Variants in AVL9 observed in about 807,000 individuals in gnomAD.
AVL9 encodes the protein late secretory pathway protein AVL9 homolog.
Under a neutral mutation model 79.2 loss-of-function variants are expected in AVL9, and 49 were observed. That is an observed-to-expected ratio of 0.62 (90% CI 0.49 to 0.79). AVL9 has a LOEUF of 0.79. AVL9 is among the 30% of genes least tolerant of loss of function. AVL9 has a pLI of 0.00. For synonymous variants in AVL9, 299 were observed against 280.6 expected, an observed-to-expected ratio of 1.07 and a Z score of -0.65; for missense variants, 682 against 776.8, an observed-to-expected ratio of 0.88 and a Z score of 1.45.
chr7:32,559,517 C>A (rs990899283), intron 10 of AVL9, 53 bp downstream of exon 10: 70 of 1,492,294 alleles, frequency 4.7e-5, no homozygotes, highest in Non-Finnish European at 5.4e-5. Context: ...AAAATCCTTT[C>A]GGAGTTTAAC....
intron 1 of AVL9, among the ~76,000 whole-genome samples, chr7:32,531,049 G>T (rs919626507): frequency 6.6e-6 from 1 of 152,194 alleles, no homozygotes; most frequent in Admixed American, 6.5e-5. Context: ...CAGAGAACAA[G>T]AGAGGCTCAA....
At chr7:32,580,404 A>G in intron 14 of AVL9, 132 bp downstream of exon 14, 1 of 704,206 alleles carries the variant, frequency 1.4e-6, no homozygotes, top group Non-Finnish European at 2.4e-6. Context: ...TATGTGCATA[A>G]CATTCTTTAG....
intron 1 of AVL9, among the ~76,000 whole-genome samples, chr7:32,525,703 G>T (rs1788373655): frequency 6.6e-6 from 1 of 152,086 alleles, no homozygotes; most frequent in African/African-American, 2.4e-5. Context: ...AATGGAATAG[G>T]TTTATTTTTC....
chr7:32,553,384 A>T (rs1789918797), intron 6 of AVL9, among the ~76,000 whole-genome samples: 1 of 152,204 alleles, frequency 6.6e-6, no homozygotes, highest in South Asian at 2.1e-4. Flanking sequence ...AGTAGCTACT[A>T]GCCACCTATA....
chr7:32,553,847 G>A, intron 7 of AVL9, 80 bp downstream of exon 7: 1 of 979,782 alleles, frequency 1.0e-6, no homozygotes, highest in Non-Finnish European at 1.6e-6. Flanking sequence ...TCATTTAACT[G>A]CCAAATTCAG....
At chr7:32,542,382 A>G (rs1261313724) in intron 1 of AVL9, among the ~76,000 whole-genome samples, 1 of 124,436 alleles carries the variant, frequency 8.0e-6, no homozygotes, top group Non-Finnish European at 1.6e-5. Context: ...TCTAGTAAAA[A>G]TACAAAAAAA....
chr7:32,570,265 C>A, intron 11 of AVL9, 111 bp downstream of exon 11: 2 of 1,364,596 alleles, frequency 1.5e-6, no homozygotes, highest in African/African-American at 1.4e-5. Flanking sequence ...TAACTGCATA[C>A]TGTATGCCAT....
chr7:32,525,961 G>C (rs969076470), intron 1 of AVL9, among the ~76,000 whole-genome samples: 4 of 152,106 alleles, frequency 2.6e-5, no homozygotes, highest in Middle Eastern at 6.3e-3. Flanking sequence ...AGGGTTCATT[G>C]AGTGAAAAGG....
intron 15 of AVL9, 170 bp downstream of exon 15, chr7:32,581,060 C>A: frequency 1.6e-6 from 1 of 609,348 alleles, no homozygotes; most frequent in Non-Finnish European, 2.8e-6. Flanking sequence ...TTCCAAATTC[C>A]AAATGGTCAA....
rs571582674 is a variant in AVL9, at chr7:32,562,247, G to A, written c.1215+2783G>A. Among the ~76,000 whole-genome samples the A allele has an allele frequency of 5.3e-5, 8 of 150,116 alleles. No individual in the cohort carries two copies. In the East Asian group the frequency reaches 1.4e-3, roughly 26 times the overall value. The stretch of plus-strand genomic sequence containing the variant: ...ATAAAGTGAAGTACAATAAAAAGAG[G>A]TGCCTATGTATATTAAAATACTACA... On this transcript the variant is annotated intron_variant, in intron 10 of 15. Transcript: ENST00000318709.
intron 1 of AVL9, among the ~76,000 whole-genome samples, chr7:32,505,523 C>CAAAAAAAA (rs34503683): frequency 6.8e-6 from 1 of 147,016 alleles, no homozygotes. Context: ...AACTCCGTCT[C>CAAAAAAAA]AAAAAAAAAA....
At chr7:32,537,941 A>G in intron 1 of AVL9, 1 of 152,240 alleles carries the variant, frequency 6.6e-6, no homozygotes, top group Admixed American at 6.5e-5. Flanking sequence ...TGGCTGTTTG[A>G]AATTCTGAAC....
intron 6 of AVL9, among the ~76,000 whole-genome samples, chr7:32,552,613 G>C (rs1306615281): frequency 6.6e-6 from 1 of 151,868 alleles, no homozygotes; most frequent in Non-Finnish European, 1.5e-5. Flanking sequence ...TGTGATCATG[G>C]CTCACTGCAG....
chr7:32,525,151 G>A (rs764153378), intron 1 of AVL9, among the ~76,000 whole-genome samples: 18 of 152,224 alleles, frequency 1.2e-4, no homozygotes, highest in Admixed American at 2.6e-4. Flanking sequence ...CTAACGAAGG[G>A]TCAAAAAAAT....
In AVL9 at chr7:32,559,211, G is replaced by T; in HGVS notation, c.962G>T (p.Arg321Leu). Residue 321 changes from arginine (R) to leucine (L), a missense_variant, in exon 10 of 16, where the codon CGC (arginine) becomes CTC (leucine). Arg to Leu is a moderately radical substitution (Grantham distance 102, BLOSUM62 -2). Transcript: ENST00000318709. Reference protein sequence around the residue: ...DTNQYLKPPSRPSPDSSESDW... With the variant: ...DTNQYLKPPSLPSPDSSESDW... Reference sequence around the variant, plus strand: ...AATCAATATTTGAAACCTCCATCTCGCCCATCTCCAGATTCTTCAGAAAGT... The same window carrying T: ...AATCAATATTTGAAACCTCCATCTCTCCCATCTCCAGATTCTTCAGAAAGT... 1.2e-6 allele frequency: 2 copies of T among 1,614,114 alleles called. No homozygotes were observed. Among genetic ancestry groups the T allele is most frequent in the Non-Finnish European group, 1.7e-6 (2 of 1,180,020 alleles).
chr7:32,517,261 G>A (rs886945064), intron 1 of AVL9, among the ~76,000 whole-genome samples: 1 of 151,342 alleles, frequency 6.6e-6, no homozygotes, highest in Non-Finnish European at 1.5e-5. Context: ...AAGCCCAAAC[G>A]CTTTTCAAGT....
chr7:32,566,180 AT>A (rs200639479), intron 10 of AVL9, among the ~76,000 whole-genome samples: 16 of 93,878 alleles, frequency 1.7e-4, no homozygotes, highest in South Asian at 1.2e-3. Flanking sequence ...TATTATTATT[AT>A]TTTTTTTTTT....
At position 32,503,336 on chromosome 7, in the gene AVL9, A is replaced by C. The variant is rs1374772582; in HGVS notation, c.93+7534A>C. ...TACTAAAAGATATATATATATATCT[A>C]TATATATAGATATAGATATAGAGAG... On this transcript the variant is annotated intron_variant, in intron 1 of 15. Transcript: ENST00000318709. Among the ~76,000 whole-genome samples, 6 of 96,488 alleles carry C rather than the reference A, an allele frequency of 6.2e-5. No homozygotes were observed. The East Asian group carries it at 1.8e-3, about 29-fold the overall frequency. 63.3% of individuals were successfully genotyped at this position (96,488 alleles called of 152,430 possible). A position where few individuals can be genotyped will look rare whatever the true frequency, so the allele number is the denominator to read the frequency against.
rs1691399149 is a variant in AVL9 at position 32,580,282 on chromosome 7, T to C, written c.1742+10T>C. ...AGTTAAGGTTCTCACAGTAAGTACTTAGAGAAAATACTGGGAAAATTCTTA... is the reference window on the plus strand; with the variant it reads ...AGTTAAGGTTCTCACAGTAAGTACTCAGAGAAAATACTGGGAAAATTCTTA... On this transcript the variant is annotated intron_variant, in intron 14 of 15. Transcript: ENST00000318709. 6.2e-7 allele frequency: 1 copy of C among 1,600,334 alleles called. No individual in the cohort carries two copies. Among genetic ancestry groups the C allele is most frequent in the Admixed American group, 1.7e-5 (1 of 58,626 alleles).
Sources: gnomAD v4.1 joint callset for allele counts (sites outside exome capture counted in the v4.1 genomes callset) on GRCh38, gnomAD v4.1.1 for gene constraint, MANE v1.5 for transcripts, NCBI Gene and HGNC (gene_info 2026-07-23, HGNC 2026-07-21) for gene names.